The following ZNF101 variants were observed in gnomAD, a reference collection of about 807,000 sequenced individuals.
ZNF101 encodes zinc finger protein 101 (Y2).
Under a neutral mutation model 42.6 loss-of-function variants are expected in ZNF101, and 34 were observed. That is an observed-to-expected ratio of 0.80 (90% CI 0.61 to 1.06). The LOEUF (loss-of-function observed/expected upper bound fraction) is 1.06, where lower values mean the gene tolerates loss of function less well. Ranked by LOEUF, ZNF101 falls within the 50% of genes least tolerant of loss-of-function variation. The pLI, the probability that ZNF101 is intolerant of heterozygous loss-of-function variation, is 0.00. For missense variants in ZNF101, 466 were observed against 530.9 expected (o/e 0.88, Z 1.20); for synonymous variants, 158 against 183.9 (o/e 0.86, Z 1.14).
chr19:19,679,695 T>C lies in ZNF101; in HGVS notation c.706T>C (p.Tyr236His). ...TAAATACTGTGGAAAACCTATCGAT[T>C]ATCCCAGTTTATTTCAAATTCATGT... Reference protein sequence around the residue: ...ECKYCGKPIDYPSLFQIHVRT... With the variant: ...ECKYCGKPIDHPSLFQIHVRT... Residue 236 changes from tyrosine (Y) to histidine (H), a missense_variant, in exon 4 of 4, where the codon TAT (tyrosine) becomes CAT (histidine). Tyr to His is a moderately conservative substitution (Grantham distance 83). Transcript: ENST00000592502. The C allele has an allele frequency of 6.2e-7, 1 of 1,614,146 alleles. No individual in the cohort carries two copies. The highest frequency in any genetic ancestry group is 8.5e-7 in the Non-Finnish European group (1 of 1,180,000).
At chr19:19,678,232 A>G (rs1304028250) in intron 2 of ZNF101, among the ~76,000 whole-genome samples, 1 of 151,702 alleles carries the variant, frequency 6.6e-6, no homozygotes, top group Non-Finnish European at 1.5e-5. Flanking sequence ...TCTCTTTAAA[A>G]AAAAAAAAAA....
rs1460551479 is a variant in ZNF101 at position 19,681,824 on chromosome 19, T to C, written c.*1524T>C. 1 of 152,084 alleles carries C rather than the reference T, an allele frequency of 6.6e-6. No individual in the cohort carries two copies. Among genetic ancestry groups the C allele is most frequent in the African/African-American group, 2.4e-5 (1 of 41,418 alleles). 9.4% of individuals were successfully genotyped at this position (152,084 alleles called of 1,614,324 possible). A position where few individuals can be genotyped will look rare whatever the true frequency, so the allele number is the denominator to read the frequency against. ...AGTAATTTTGAAAGCCTGATGCAAA[T>C]TAATTATTATATAATGCTCAAAAAC... On this transcript the variant is annotated 3_prime_UTR_variant, in exon 4 of 4. Coordinates refer to ENST00000592502, the MANE Select transcript of ZNF101 (RefSeq NM_033204.4).
Position 19,679,958 on chromosome 19 carries a change from G to C in ZNF101, c.969G>C (p.Thr323=), listed in dbSNP as rs1400089840. ...GTGCCAAAGTCTTTAGATGTCCCAC[G>C]TCCCTTCAAGCACATGAAAGAGCTC... ...QKCAKVFRCP[T]SLQAHERAHT... The change falls in exon 4 of 4, where the codon ACG becomes ACC. Residue 323 remains threonine (T), a synonymous_variant. Transcript: ENST00000592502. The C allele has an allele frequency of 3.1e-6, 5 of 1,613,670 alleles. No homozygotes were observed. The African/African-American group carries it at 4.0e-5, about 13-fold the overall frequency.
rs561463127 is a variant in ZNF101, at chr19:19,681,331, C to G, written c.*1031C>G. 28 of 152,336 alleles carry G rather than the reference C, an allele frequency of 1.8e-4. No individual in the cohort carries two copies. The highest frequency in any genetic ancestry group is 4.1e-4 in the African/African-American group (17 of 41,572). The allele number at this position is 152,336 out of a possible 1,614,324, so 9.4% of individuals were successfully genotyped here. A position where few individuals can be genotyped will look rare whatever the true frequency, so the allele number is the denominator to read the frequency against. ...AGAATATGGGGAAACTCTCATTGCTCTCATCTCCATTCAAAGACACGTGTC... is the reference window on the plus strand; with the variant it reads ...AGAATATGGGGAAACTCTCATTGCTGTCATCTCCATTCAAAGACACGTGTC... On this transcript the variant is annotated 3_prime_UTR_variant, in exon 4 of 4. Coordinates refer to ENST00000592502, the MANE Select transcript of ZNF101 (RefSeq NM_033204.4).
chr19:19,669,100 G>A (rs2062153205), intron 1 of ZNF101, 134 bp downstream of exon 1: 3 of 1,281,304 alleles, frequency 2.3e-6, no homozygotes, highest in Non-Finnish European at 3.2e-6. Context: ...TCGACCCTTG[G>A]TCCCCTCGGT....
chr19:19,672,058 A>T (rs1274064718), intron 1 of ZNF101, among the ~76,000 whole-genome samples: 2 of 142,542 alleles, frequency 1.4e-5, no homozygotes, highest in African/African-American at 2.6e-5. Flanking sequence ...CCCCCATCTT[A>T]AAAAATGTGT....
Position 19,681,683 on chromosome 19 carries a change from G to A in ZNF101, c.*1383G>A, listed in dbSNP as rs568980777. On this transcript the variant is annotated 3_prime_UTR_variant, in exon 4 of 4. Transcript: ENST00000592502. Reference sequence around the variant, plus strand: ...GAGGATTGCTTGAGTTTGGGAGGTCGAGGTTGCAGTGAGTGGAGATTGCGC... The same window carrying A: ...GAGGATTGCTTGAGTTTGGGAGGTCAAGGTTGCAGTGAGTGGAGATTGCGC... The A allele has an allele frequency of 3.3e-5, 5 of 152,182 alleles. No individual in the cohort carries two copies. The highest frequency in any genetic ancestry group is 1.2e-4 in the African/African-American group (5 of 41,526). The allele number at this position is 152,182 out of a possible 1,614,324, so 9.4% of individuals were successfully genotyped here.
chr19:19,668,814 C>T (rs577583752), upstream of ZNF101: 9 of 971,816 alleles, frequency 9.3e-6, no homozygotes, highest in South Asian at 1.1e-4. Flanking sequence ...AAGCCCGAAG[C>T]GGTCTCATTT....
At chr19:19,677,600 T>C (rs1474629507) in intron 1 of ZNF101, 1 of 344,608 alleles carries the variant, frequency 2.9e-6, no homozygotes, top group African/African-American at 2.1e-5. Context: ...CAAAGAGCAT[T>C]TGGGGCAACG....
intron 1 of ZNF101, among the ~76,000 whole-genome samples, chr19:19,671,503 T>G (rs908083027): frequency 7.6e-6 from 1 of 131,930 alleles, no homozygotes; most frequent in Admixed American, 8.0e-5. Context: ...GTGTTAGGAT[T>G]TTTTTTTTTT....
intron 1 of ZNF101, among the ~76,000 whole-genome samples, chr19:19,672,560 CTG>C (rs1235437720): frequency 2.2e-4 from 33 of 151,690 alleles, no homozygotes; most frequent in Admixed American, 2.2e-3. Flanking sequence ...GGGGGGGTCT[CTG>C]TTGCCCAGGC....
At position 19,678,002 on chromosome 19, in the gene ZNF101, A is replaced by G. The variant is rs148281977; in HGVS notation, c.130+12A>G. ...CCTGGCCTCGGTCGGTAAGAAGGAC[A>G]TTTCCTTCCTTAGTCAATTAGAAGA... On this transcript the variant is annotated intron_variant, in intron 2 of 3. Transcript: ENST00000592502. 1,878 of 1,606,920 alleles carry G rather than the reference A, an allele frequency of 1.2e-3. 1 individual carries two copies. The highest frequency in any genetic ancestry group is 1.4e-3 in the Non-Finnish European group (1,682 of 1,175,466).
rs771039040 is a variant in ZNF101, at chr19:19,679,782, G to A, written c.793G>A (p.Ala265Thr). ...ACAATGTGGTAAAGCCTTCATTTCC[G>A]CAGGTTACCTTCGGACACATGAAAT... ...CKQCGKAFIS[A>T]GYLRTHEIRS... Residue 265 changes from alanine (A) to threonine (T), a missense_variant, in exon 4 of 4, where the codon GCA becomes ACA. By Grantham distance (58) the Ala-to-Thr change is moderately conservative. Transcript: ENST00000592502. 43 of 1,611,944 alleles carry A rather than the reference G, an allele frequency of 2.7e-5. No homozygotes were observed. The South Asian group carries it at 4.1e-4, about 15-fold the overall frequency.
chr19:19,669,284 G>C (rs1392791949), intron 1 of ZNF101, among the ~76,000 whole-genome samples: 2 of 152,182 alleles, frequency 1.3e-5, no homozygotes, highest in Non-Finnish European at 2.9e-5. Context: ...GGGAGGAGCC[G>C]TGGCCTGTGG....
Position 19,682,293 on chromosome 19 carries a change from C to A in ZNF101, c.*1993C>A, listed in dbSNP as rs1206685718. ...AGAGTGCAGTGGCGCGATCTTGACT[C>A]ACTGTAACCTCTGACTTCTGGGTTC... On this transcript the variant is annotated 3_prime_UTR_variant, in exon 4 of 4. Transcript: ENST00000592502. 1.3e-5 allele frequency: 2 copies of A among 151,894 alleles called. No individual in the cohort carries two copies. Among genetic ancestry groups the A allele is most frequent in the African/African-American group, 4.8e-5 (2 of 41,346 alleles). The allele number at this position is 151,894 out of a possible 1,614,324, so 9.4% of individuals were successfully genotyped here.
chr19:19,673,049 A>G (rs1568436412), intron 1 of ZNF101, among the ~76,000 whole-genome samples: 1 of 151,044 alleles, frequency 6.6e-6, no homozygotes, highest in Non-Finnish European at 1.5e-5. Context: ...GTTTCAAGCC[A>G]TTCTCCTGCC....
intron 1 of ZNF101, chr19:19,677,649 G>T: frequency 1.7e-6 from 1 of 606,014 alleles, no homozygotes; most frequent in Non-Finnish European, 2.6e-6. Context: ...CCACAGAGAG[G>T]GTGGTCCTCC....
chr19:19,668,666 G>A (rs2062147750), upstream of ZNF101: 2 of 419,946 alleles, frequency 4.8e-6, no homozygotes, highest in African/African-American at 4.1e-5. Flanking sequence ...ACCCCACACA[G>A]CGAGCGGATT....
At chr19:19,677,831 C>A (rs748785246) in intron 1 of ZNF101, 33 bp from the exon 2 acceptor site, 1 of 1,603,284 alleles carries the variant, frequency 6.2e-7, no homozygotes, top group Non-Finnish European at 8.5e-7. Context: ...CTGAGTCTCA[C>A]CCCTCCTCCT....
Sources: gnomAD v4.1 joint callset for allele counts (sites outside exome capture counted in the v4.1 genomes callset) on GRCh38, gnomAD v4.1.1 for gene constraint, MANE v1.5 for transcripts, NCBI Gene and HGNC (gene_info 2026-07-23, HGNC 2026-07-21) for gene names.